The following RARB variants were observed in gnomAD, a reference collection of about 807,000 sequenced individuals.
RARB encodes retinoic acid receptor beta, also known as HBV-activated protein.
Under a neutral mutation model 51.9 loss-of-function variants are expected in RARB, and 17 were observed. The observed-to-expected ratio is 0.33, with a 90% CI of 0.22 to 0.49. RARB has a LOEUF of 0.49. Among genes scored for constraint, RARB ranks in the 20% least tolerant of loss-of-function variants. The pLI, the probability that RARB is intolerant of heterozygous loss-of-function variation, is 0.99. For missense variants in RARB, 369 were observed against 550.8 expected, an observed-to-expected ratio of 0.67 and a Z score of 3.30; for synonymous variants, 215 against 195.4, an observed-to-expected ratio of 1.10 and a Z score of -0.84.
rs149888674 is a variant in RARB, at chr3:25,181,377, A to C, written c.178+6802A>C. On this transcript the variant is annotated intron_variant, in intron 5 of 11. Coordinates refer to the RARB transcript ENST00000383772. ...CTTTTCCTTCACTGCTTATCTGGTG[A>C]TCTAACACATGGGACATAGTAGAGA... Among the ~76,000 whole-genome samples, 355 of 152,232 alleles carry C rather than the reference A, an allele frequency of 2.3e-3. 2 individuals are homozygous for C. The highest frequency in any genetic ancestry group is 0.02 in the East Asian group (105 of 5,184).
At chr3:25,327,414 C>G (rs1704758004) in intron 5 of RARB, among the ~76,000 whole-genome samples, 1 of 151,918 alleles carries the variant, frequency 6.6e-6, no homozygotes, top group African/African-American at 2.4e-5. Flanking sequence ...CAATTGGAAT[C>G]AGAAAGACAT....
rs138649959 is a variant in RARB at position 25,120,527 on chromosome 3, A to ATCTCTCTCTCTCTCTCTCTCTCTCTCTC, written c.-327-11625_-327-11598dup. Among the ~76,000 whole-genome samples the ATCTCTCTCTCTCTCTCTCTCTCTCTCTC allele has an allele frequency of 4.4e-5, 6 of 136,062 alleles. 1 individual carries two copies. Among genetic ancestry groups the ATCTCTCTCTCTCTCTCTCTCTCTCTCTC allele is most frequent in the Admixed American group, 1.5e-4 (2 of 13,260 alleles). 89.3% of individuals were successfully genotyped at this position (136,062 alleles called of 152,430 possible). A position where few individuals can be genotyped will look rare whatever the true frequency, so the allele number is the denominator to read the frequency against. ...AAGAAATATAAATATATATATAAAA[A>ATCTCTCTCTCTCTCTCTCTCTCTCTCTC]TCTCTCTCTCTCTCTCTCTCTCTCT... is the stretch of plus-strand genomic sequence containing the variant. On this transcript the variant is annotated intron_variant, in intron 3 of 11. Transcript: ENST00000383772.
chr3:24,854,781 T>TA (rs1432898915), intron 1 of RARB, among the ~76,000 whole-genome samples: 2 of 152,104 alleles, frequency 1.3e-5, no homozygotes, highest in African/African-American at 2.4e-5. Flanking sequence ...GCTGTACCAA[T>TA]AAAAAATGTC....
chr3:25,235,843 G>C (rs944320366), intron 5 of RARB, among the ~76,000 whole-genome samples: 1 of 152,080 alleles, frequency 6.6e-6, no homozygotes, highest in Non-Finnish European at 1.5e-5. Flanking sequence ...TTTCCCCATA[G>C]TATTTGTATC....
At chr3:25,533,716 A>G (rs1388893228) in intron 3 of RARB, among the ~76,000 whole-genome samples, 1 of 152,244 alleles carries the variant, frequency 6.6e-6, no homozygotes, top group Non-Finnish European at 1.5e-5. Context: ...ACATGATTCT[A>G]TTAGACAATG....
intron 1 of RARB, among the ~76,000 whole-genome samples, chr3:24,856,370 T>C (rs550127805): frequency 1.4e-3 from 219 of 152,280 alleles, no homozygotes; most frequent in African/African-American, 5.1e-3. Flanking sequence ...ACTAGAAACA[T>C]GTCCTGACCC....
chr3:25,417,978 C>G (rs1321081672), intron 5 of RARB, among the ~76,000 whole-genome samples: 3 of 152,198 alleles, frequency 2.0e-5, no homozygotes, highest in African/African-American at 2.4e-5. Flanking sequence ...CTCTGGGTTG[C>G]TGTCCTCCTC....
At chr3:24,913,134 C>G (rs1210481633) in intron 2 of RARB, among the ~76,000 whole-genome samples, 1 of 151,604 alleles carries the variant, frequency 6.6e-6, no homozygotes, top group African/African-American at 2.4e-5. Flanking sequence ...GCACCCGCCA[C>G]CACGCCCGGC....
chr3:25,021,171 A>C (rs1697628225), intron 2 of RARB, among the ~76,000 whole-genome samples: 1 of 152,214 alleles, frequency 6.6e-6, no homozygotes, highest in South Asian at 2.1e-4. Flanking sequence ...AATGAGAAGG[A>C]ATAGTACTCC....
At chr3:25,090,349 A>G (rs1230651816) in intron 3 of RARB, among the ~76,000 whole-genome samples, 1 of 152,120 alleles carries the variant, frequency 6.6e-6, no homozygotes, top group Admixed American at 6.6e-5. Flanking sequence ...CTTTTTTCTA[A>G]CAGCTTTGCA....
At chr3:24,868,475 C>T (rs2125347409) in intron 2 of RARB, among the ~76,000 whole-genome samples, 1 of 152,030 alleles carries the variant, frequency 6.6e-6, no homozygotes, top group Admixed American at 6.6e-5. Flanking sequence ...TGTAAACAAA[C>T]AACAAAAAAA....
At chr3:24,975,495 T>A (rs996367874) in intron 2 of RARB, among the ~76,000 whole-genome samples, 1 of 152,132 alleles carries the variant, frequency 6.6e-6, no homozygotes, top group African/African-American at 2.4e-5. Context: ...AGATGCAAAT[T>A]TGTTCATGCC....
intron 5 of RARB, among the ~76,000 whole-genome samples, chr3:25,406,984 T>C (rs1707426901): frequency 6.6e-6 from 1 of 152,230 alleles, no homozygotes; most frequent in African/African-American, 2.4e-5. Context: ...TGTGGAATGA[T>C]TTCCAAATTC....
At chr3:24,987,514 G>C (rs1696819370) in intron 2 of RARB, among the ~76,000 whole-genome samples, 1 of 152,228 alleles carries the variant, frequency 6.6e-6, no homozygotes, top group Admixed American at 6.5e-5. Flanking sequence ...TGGATCCTCT[G>C]ATGCAAAACT....
At chr3:25,515,509 G>T (rs1357972495) in intron 3 of RARB, among the ~76,000 whole-genome samples, 3 of 152,048 alleles carry the variant, frequency 2.0e-5, no homozygotes, top group Non-Finnish European at 2.9e-5. Context: ...TCCAATCCTG[G>T]GGGGGAGGGG....
chr3:25,361,483 A>G (rs11716202), intron 5 of RARB, among the ~76,000 whole-genome samples: 20,041 of 152,190 alleles, frequency 0.13, 1,492 homozygotes, highest in South Asian at 0.22. Context: ...TACTTCTGTC[A>G]ATTTATCAAA....
At chr3:25,210,513 A>G (rs931705458) in intron 5 of RARB, among the ~76,000 whole-genome samples, 1 of 87,962 alleles carries the variant, frequency 1.1e-5, no homozygotes. Flanking sequence ...TGAAAGCCTG[A>G]AATCTTTATC....
At chr3:24,972,906 A>G (rs1696432245) in intron 2 of RARB, among the ~76,000 whole-genome samples, 1 of 151,852 alleles carries the variant, frequency 6.6e-6, no homozygotes, top group Non-Finnish European at 1.5e-5. Context: ...GTTTGCAAAT[A>G]TTTTCTCTCA....
chr3:25,049,828 G>T (rs1698291225), intron 2 of RARB, among the ~76,000 whole-genome samples: 1 of 152,182 alleles, frequency 6.6e-6, no homozygotes, highest in Admixed American at 6.5e-5. Context: ...ACTGCCCAGT[G>T]TACTGAAACT....
Sources: gnomAD v4.1 joint callset for allele counts (sites outside exome capture counted in the v4.1 genomes callset) on GRCh38, gnomAD v4.1.1 for gene constraint, MANE v1.5 for transcripts, NCBI Gene and HGNC (gene_info 2026-07-23, HGNC 2026-07-21) for gene names.